ACRBP: variants seen among roughly 807,000 people sequenced by gnomAD.
ACRBP encodes the protein acrosin binding protein, also known as acrosin-binding protein.
A neutral mutation model predicts 69.0 loss-of-function variants in ACRBP; 52 were observed. The ratio of observed to expected loss-of-function variants is 0.75; its 90% confidence interval spans 0.60 to 0.95. The LOEUF is 0.95. Ranked by LOEUF, ACRBP falls within the 40% of genes least tolerant of loss-of-function variation. The pLI is 0.00. For missense variants in ACRBP, 604 were observed against 673.0 expected (o/e 0.90, Z 1.13); for synonymous variants, 267 against 258.9 (o/e 1.03, Z -0.30).
rs1018778774 is a variant in ACRBP, at chr12:6,638,922, G to A, written c.1509+32C>T. 13 of 1,608,594 alleles carry A rather than the reference G, an allele frequency of 8.1e-6. No homozygotes were observed. The Admixed American group carries it at 1.7e-4, about 21-fold the overall frequency. On this transcript the variant is annotated intron_variant, in intron 9 of 9. Transcript: ENST00000229243. ...TATGGTGACTGATTGAGGGGGTGCTGGGAGAAGGAGGGGCAGGGCAGGGGT... is the reference window on the plus strand; with the variant it reads ...TATGGTGACTGATTGAGGGGGTGCTAGGAGAAGGAGGGGCAGGGCAGGGGT...
intron 4 of ACRBP, among the ~76,000 whole-genome samples, chr12:6,644,959 T>C (rs1949077598): frequency 6.6e-6 from 1 of 152,212 alleles, no homozygotes; most frequent in Non-Finnish European, 1.5e-5. Context: ...CTAGAGGTCC[T>C]TTGTAATGCA....
rs1457103779 is a variant in ACRBP, at chr12:6,638,905, CTGAT to C, written c.1509+45_1509+48del. 2.5e-6 allele frequency: 4 copies of C among 1,604,732 alleles called. No individual in the cohort carries two copies. In the South Asian group the frequency reaches 3.3e-5, roughly 13 times the overall value. Reference sequence around the variant, plus strand: ...CCTCAGAATAGACCAGTTATGGTGACTGATTGAGGGGGTGCTGGGAGAAGGAGGG... The same window carrying C: ...CCTCAGAATAGACCAGTTATGGTGACTGAGGGGGTGCTGGGAGAAGGAGGG... On this transcript the variant is annotated intron_variant, in intron 9 of 9. Coordinates refer to ENST00000229243, the MANE Select transcript of ACRBP (RefSeq NM_032489.3).
intron 9 of ACRBP, chr12:6,638,629 A>G: frequency 2.3e-6 from 3 of 1,292,998 alleles, no homozygotes; most frequent in South Asian, 1.6e-5. Context: ...CAGAGGGGGA[A>G]GTGCCTCATC....
chr12:6,647,224 C>T, intron 1 of ACRBP, 100 bp downstream of exon 1: 3 of 1,397,764 alleles, frequency 2.1e-6, no homozygotes, highest in Non-Finnish European at 2.9e-6. Flanking sequence ...CCCAGCGCGA[C>T]CACCATGAGG....
chr12:6,643,408 C>T (rs1174581494), intron 6 of ACRBP, 131 bp downstream of exon 6: 2 of 1,290,038 alleles, frequency 1.6e-6, no homozygotes, highest in Non-Finnish European at 2.1e-6. Flanking sequence ...AAAAGAGTCC[C>T]ACTTGGAGAG....
chr12:6,640,247 G>A lies in ACRBP; in HGVS notation c.1258-20C>T. The A allele has an allele frequency of 1.2e-6, 2 of 1,613,918 alleles. No individual in the cohort carries two copies. The highest frequency in any genetic ancestry group is 1.1e-5 in the South Asian group (1 of 91,082). On this transcript the variant is annotated intron_variant, in intron 7 of 9. Coordinates refer to ENST00000229243, the MANE Select transcript of ACRBP (RefSeq NM_032489.3). The surrounding 1 kb of genome is among the most constrained non-coding windows in gnomAD (Gnocchi z 5.3). ...CCCTACCTGTGGCACAGGAGATAGG[G>A]GAGAGGTGCGTGCCCCTCCCCACCT...
intron 6 of ACRBP, among the ~76,000 whole-genome samples, chr12:6,641,786 A>G (rs984111767): frequency 1.3e-5 from 2 of 152,156 alleles, no homozygotes; most frequent in Admixed American, 6.6e-5. Flanking sequence ...ACGGTGGCTC[A>G]TGCCTGTAAT....
At position 6,644,132 on chromosome 12, in the gene ACRBP, T is replaced by A. The variant is rs370618039; in HGVS notation, c.944+5A>T. 6.4e-7 allele frequency: 1 copy of A among 1,564,838 alleles called. No individual in the cohort carries two copies. The highest frequency in any genetic ancestry group is 8.7e-7 in the Non-Finnish European group (1 of 1,153,978). ...GGTGGATGACAGAGTCAAAACTTCC[T>A]ATACCTGCCAGGGTTTTGGTTTCTC... is the stretch of plus-strand genomic sequence containing the variant. On this transcript the variant is annotated splice_donor_5th_base_variant and intron_variant, in intron 5 of 9. Coordinates refer to ENST00000229243, the MANE Select transcript of ACRBP (RefSeq NM_032489.3).
At position 6,645,270 on chromosome 12, in the gene ACRBP, G is replaced by A. The variant is rs1258148980; in HGVS notation, c.425C>T (p.Ala142Val). 1.9e-6 allele frequency: 3 copies of A among 1,613,800 alleles called. No homozygotes were observed. Among genetic ancestry groups the A allele is most frequent in the African/African-American group, 2.7e-5 (2 of 74,910 alleles). The change falls in exon 4 of 10, where the codon GCT (alanine) becomes GTT (valine). Residue 142 changes from alanine to valine, a missense_variant. This residue lies in a region of ACRBP where 532 missense variants were observed against 562.9 expected (regional missense o/e 0.95). Transcript: ENST00000229243. The stretch of plus-strand genomic sequence containing the variant: ...GGTCATCGTGGTGGGTGAGACTTCA[G>A]CTGAAGCTTCTATCTCCTTGAGAGT... ...PNTLKEIEAS[A>V]EVSPTTMTSP... is the part of the protein sequence containing the mutation.
At chr12:6,641,456 A>G (rs960008605) in intron 6 of ACRBP, among the ~76,000 whole-genome samples, 1 of 152,102 alleles carries the variant, frequency 6.6e-6, no homozygotes, top group Admixed American at 6.6e-5. Context: ...GCAAATGCTC[A>G]TGTTGCCATT....
In ACRBP at chr12:6,640,509, A is replaced by G. The variant is rs1480461484; in HGVS notation, c.1091T>C (p.Leu364Pro). The change falls in exon 7 of 10, where the codon CTT becomes CCT. Residue 364 changes from leucine (L) to proline (P), a missense_variant. Transcript: ENST00000229243. The surrounding 1 kb of genome is among the most constrained non-coding windows in gnomAD (Gnocchi z 5.3). ...ACAGGTAGACATGTGTCGCCGCCCA[A>G]GGCTGTCACAGACCTGGGGCAGGGG... is the stretch of plus-strand genomic sequence containing the variant. Reference protein sequence around the residue: ...LGFGKSVCDSLGRRHMSTCAL... With the variant: ...LGFGKSVCDSPGRRHMSTCAL... The G allele has an allele frequency of 1.9e-6, 3 of 1,613,722 alleles. No homozygotes were observed. In the South Asian group the frequency reaches 3.3e-5, roughly 18 times the overall value.
chr12:6,638,322 C>G lies in ACRBP; in HGVS notation c.1592G>C (p.Ser531Thr). Residue 531 changes from serine to threonine, a missense_variant, in exon 10 of 10, where the codon AGC becomes ACC. Around this residue, in one of 3 missense-constraint regions of ACRBP, gnomAD observed 51 missense variants for 60.1 expected, o/e 0.85. Transcript: ENST00000229243. ...GKSEDVVLRW[S>T]QEFSTLTLGQ... is the part of the protein sequence containing the mutation. The stretch of plus-strand genomic sequence containing the variant: ...TAGAGTCAAGGTGCTGAACTCCTGG[C>G]TCCATCGAAGCACAACGTCCTCACT... The G allele has an allele frequency of 6.2e-7, 1 of 1,614,148 alleles. No homozygotes were observed. Among genetic ancestry groups the G allele is most frequent in the Non-Finnish European group, 8.5e-7 (1 of 1,180,024 alleles).
At position 6,640,323 on chromosome 12, in the gene ACRBP, C is replaced by A. The variant is rs771778088; in HGVS notation, c.1257+20G>T. The A allele has an allele frequency of 6.2e-7, 1 of 1,613,824 alleles. No individual in the cohort carries two copies. The highest frequency in any genetic ancestry group is 1.1e-5 in the South Asian group (1 of 91,054). ...CCACCCAGTTCTGCCTTTCCCACTG[C>A]GGGCTGCCGGGCTAGATACCTGGTT... is the stretch of plus-strand genomic sequence containing the variant. On this transcript the variant is annotated intron_variant, in intron 7 of 9. Coordinates refer to ENST00000229243, the MANE Select transcript of ACRBP (RefSeq NM_032489.3). This position sits in a 1 kb window ranked among gnomAD's most constrained non-coding sequence, Gnocchi z 5.3.
At chr12:6,645,146 T>C (rs893526626) in intron 4 of ACRBP, 74 bp downstream of exon 4, 2 of 1,189,704 alleles carry the variant, frequency 1.7e-6, no homozygotes, top group East Asian at 2.4e-5. Context: ...TTCCCTGCCA[T>C]GGATGCCTTA....
At position 6,646,972 on chromosome 12, in the gene ACRBP, C is replaced by G. The variant is rs768482625; in HGVS notation, c.84G>C (p.Ser28=). Residue 28 remains serine, a synonymous_variant, in exon 2 of 10, where the codon TCG becomes TCC. Coordinates refer to ENST00000229243, the MANE Select transcript of ACRBP (RefSeq NM_032489.3). ...LPLAPAAAQD[S]TQASTPGSPL... is the part of the protein sequence containing the mutation. ...GGCTGCCTGGAGTGGAGGCCTGAGT[C>G]GAATCCTGGGCTGCGGCAGGTGCCA... The G allele has an allele frequency of 1.2e-6, 2 of 1,612,562 alleles. No individual in the cohort carries two copies. Among genetic ancestry groups the G allele is most frequent in the South Asian group, 1.1e-5 (1 of 91,046 alleles).
Position 6,640,049 on chromosome 12 carries a change from A to G in ACRBP, c.1425+11T>C. On this transcript the variant is annotated intron_variant, in intron 8 of 9. Transcript: ENST00000229243. This position sits in a 1 kb window ranked among gnomAD's most constrained non-coding sequence, Gnocchi z 5.3. ...TAGGGATGGGGCTGAGCTTTGGGGAAAGGTTCTAACCTTGGTAGGGAAATC... is the reference window on the plus strand; with the variant it reads ...TAGGGATGGGGCTGAGCTTTGGGGAGAGGTTCTAACCTTGGTAGGGAAATC... The G allele has an allele frequency of 1.9e-6, 3 of 1,613,984 alleles. No individual in the cohort carries two copies. Among genetic ancestry groups the G allele is most frequent in the Non-Finnish European group, 2.5e-6 (3 of 1,179,922 alleles).
At chr12:6,638,773 G>C in intron 9 of ACRBP, 181 bp downstream of exon 9, 2 of 1,447,052 alleles carry the variant, frequency 1.4e-6, no homozygotes, top group African/African-American at 1.4e-5. Context: ...GGAGGGCCTT[G>C]CTTCCGCCAG....
At chr12:6,639,169 G>A (rs1419556420) in intron 8 of ACRBP, 132 bp from the exon 9 acceptor site, 8 of 757,086 alleles carry the variant, frequency 1.1e-5, no homozygotes, top group South Asian at 1.6e-5. Context: ...ACACACAGGC[G>A]GCCCCTCACT....
chr12:6,642,128 T>A (rs1179585823), intron 6 of ACRBP, among the ~76,000 whole-genome samples: 1 of 152,126 alleles, frequency 6.6e-6, no homozygotes, highest in African/African-American at 2.4e-5. Flanking sequence ...ACAGCACTGA[T>A]CCCATCACAC....
Sources: allele counts gnomAD v4.1 joint callset (sites outside exome capture counted in the v4.1 genomes callset), GRCh38; gene constraint gnomAD v4.1.1; regional missense constraint gnomAD v4.1.1; non-coding constraint Gnocchi (gnomAD v3.1); transcripts MANE v1.5; gene names NCBI Gene and HGNC (gene_info 2026-07-23, HGNC 2026-07-21).